Variants in TMEM135 observed in about 807,000 individuals in gnomAD.
TMEM135 encodes peroxisomal membrane protein 52.
Under a neutral mutation model 60.3 loss-of-function variants are expected in TMEM135, and 30 were observed. The ratio of observed to expected loss-of-function variants is 0.50; its 90% CI spans 0.37 to 0.68. TMEM135 has a LOEUF of 0.68. Among genes scored for constraint, TMEM135 ranks in the 30% least tolerant of loss-of-function variants. The pLI is 0.00. For missense variants in TMEM135, 468 were observed against 548.8 expected, an observed-to-expected ratio of 0.85 and a Z score of 1.47; for synonymous variants, 190 against 186.7, an observed-to-expected ratio of 1.02 and a Z score of -0.14.
intron 5 of TMEM135, among the ~76,000 whole-genome samples, chr11:87,183,206 A>C (rs540084705): frequency 1.0e-3 from 143 of 141,460 alleles, no homozygotes; most frequent in Admixed American, 3.0e-3. Flanking sequence ...GCAGTGGCTC[A>C]ATCTTGGCTC....
intron 4 of TMEM135, among the ~76,000 whole-genome samples, chr11:87,129,535 G>A (rs1937848576): frequency 8.3e-6 from 1 of 120,832 alleles, no homozygotes; most frequent in Non-Finnish European, 1.6e-5. Flanking sequence ...GATCCACCAT[G>A]CTTGGCCAAT....
chr11:87,146,419 A>G (rs1486058154), intron 4 of TMEM135, among the ~76,000 whole-genome samples: 1 of 152,158 alleles, frequency 6.6e-6, no homozygotes, highest in African/African-American at 2.4e-5. Context: ...GGAGTAGTGC[A>G]TCACCATGCC....
intron 5 of TMEM135, among the ~76,000 whole-genome samples, chr11:87,176,329 A>G (rs1939367198): frequency 6.6e-6 from 1 of 152,104 alleles, no homozygotes; most frequent in East Asian, 1.9e-4. Context: ...GCCTTCTGTC[A>G]TGAAGAGAAG....
intron 5 of TMEM135, among the ~76,000 whole-genome samples, chr11:87,236,116 A>G (rs1940989331): frequency 6.6e-6 from 1 of 151,938 alleles, no homozygotes; most frequent in Admixed American, 6.6e-5. Context: ...TTTCTAACAG[A>G]CAGTTAAAAA....
chr11:87,091,758 A>G (rs1857211127), intron 4 of TMEM135, among the ~76,000 whole-genome samples: 1 of 152,072 alleles, frequency 6.6e-6, no homozygotes, highest in Admixed American at 6.6e-5. Context: ...GGGAAAAATG[A>G]TATAAGGATG....
chr11:87,139,583 G>A (rs1938207412), intron 4 of TMEM135, among the ~76,000 whole-genome samples: 2 of 152,072 alleles, frequency 1.3e-5, no homozygotes, highest in South Asian at 4.1e-4. Context: ...GAATTGCTGG[G>A]CCTCATGGTA....
intron 6 of TMEM135, among the ~76,000 whole-genome samples, chr11:87,238,091 A>G (rs1283112095): frequency 2.0e-5 from 3 of 151,840 alleles, no homozygotes; most frequent in South Asian, 4.1e-4. Context: ...CCTGCTTCCA[A>G]ATTTTGCTAT....
intron 1 of TMEM135, among the ~76,000 whole-genome samples, chr11:87,057,925 A>G (rs970395139): frequency 2.0e-5 from 3 of 152,262 alleles, no homozygotes; most frequent in Non-Finnish European, 4.4e-5. Flanking sequence ...GTGTAATTCC[A>G]GTGTGAGTCC....
At chr11:87,201,467 T>C (rs139943186) in intron 5 of TMEM135, among the ~76,000 whole-genome samples, 13 of 152,306 alleles carry the variant, frequency 8.5e-5, no homozygotes, top group African/African-American at 3.1e-4. Flanking sequence ...TCACTAACTT[T>C]AAGTTTTCAT....
At chr11:87,179,253 A>G (rs574013568) in intron 5 of TMEM135, among the ~76,000 whole-genome samples, 1 of 152,252 alleles carries the variant, frequency 6.6e-6, no homozygotes, top group South Asian at 2.1e-4. Context: ...GTGACTTTGA[A>G]AAGTTTTTCA....
intron 5 of TMEM135, among the ~76,000 whole-genome samples, chr11:87,229,885 T>C (rs904031680): frequency 1.3e-5 from 2 of 152,172 alleles, no homozygotes; most frequent in African/African-American, 2.4e-5. Context: ...AATTTTTGTT[T>C]TTATCATGTA....
Position 87,323,889 on chromosome 11 carries a change from T to C in TMEM135, c.*2556T>C. On this transcript the variant is annotated 3_prime_UTR_variant, in exon 15 of 15. Coordinates refer to ENST00000305494, the MANE Select transcript of TMEM135 (RefSeq NM_022918.4). ...TTCCCATAAATTCTGCTTTTGCTTCTGTAACTTTTTTCTTGAACTATAAGC... is the reference window on the plus strand; with the variant it reads ...TTCCCATAAATTCTGCTTTTGCTTCCGTAACTTTTTTCTTGAACTATAAGC... 2.2e-6 allele frequency: 1 copy of C among 452,166 alleles called. No homozygotes were observed. Among genetic ancestry groups the C allele is most frequent in the Non-Finnish European group, 4.4e-6 (1 of 226,400 alleles). The allele number at this position is 452,166 out of a possible 1,614,324, so 28.0% of individuals were successfully genotyped here.
intron 5 of TMEM135, among the ~76,000 whole-genome samples, chr11:87,211,824 GT>G (rs1940376962): frequency 3.9e-5 from 6 of 151,984 alleles, no homozygotes; most frequent in African/African-American, 1.2e-4. Context: ...GGCGCCTGTA[GT>G]CCCAGCTACT....
chr11:87,102,004 G>A (rs931044855), intron 4 of TMEM135, among the ~76,000 whole-genome samples: 2 of 152,074 alleles, frequency 1.3e-5, no homozygotes, highest in African/African-American at 2.4e-5. Flanking sequence ...GAAGAAAAAA[G>A]TACTTTCTCT....
chr11:87,156,526 A>G (rs1321158157), intron 4 of TMEM135, among the ~76,000 whole-genome samples: 2 of 152,018 alleles, frequency 1.3e-5, no homozygotes, highest in African/African-American at 2.4e-5. Flanking sequence ...GTCTTCTTCA[A>G]TTTCTTTCAG....
At position 87,047,507 on chromosome 11, in the gene TMEM135, G is replaced by T. The variant is rs1349723089; in HGVS notation, c.141+9321G>T. On this transcript the variant is annotated intron_variant, in intron 1 of 14. Coordinates refer to ENST00000305494, the MANE Select transcript of TMEM135 (RefSeq NM_022918.4). ...GGCGAGGCACTGCCTCACCTGGGAA[G>T]CGCAAGGGGTCAGGGAGTTCCCTTT... Among the ~76,000 whole-genome samples, 3 of 150,866 alleles carry T rather than the reference G, an allele frequency of 2.0e-5. No homozygotes were observed. In the South Asian group the frequency reaches 6.3e-4, roughly 32 times the overall value.
chr11:87,133,523 C>T (rs1268267249), intron 4 of TMEM135, among the ~76,000 whole-genome samples: 1 of 152,168 alleles, frequency 6.6e-6, no homozygotes, highest in African/African-American at 2.4e-5. Context: ...CTTGATCCCT[C>T]TTTACAAAAC....
chr11:87,298,257 G>A (rs1055846560), intron 7 of TMEM135, among the ~76,000 whole-genome samples: 1 of 152,186 alleles, frequency 6.6e-6, no homozygotes, highest in African/African-American at 2.4e-5. Flanking sequence ...TTAAACTTTG[G>A]TGAGGAAAGG....
chr11:87,101,638 T>C (rs1857458206), intron 4 of TMEM135, among the ~76,000 whole-genome samples: 1 of 152,194 alleles, frequency 6.6e-6, no homozygotes, highest in African/African-American at 2.4e-5. Context: ...GCAGTGTCTT[T>C]TATTAAAACA....
Sources: allele counts gnomAD v4.1 joint callset (sites outside exome capture counted in the v4.1 genomes callset), GRCh38; gene constraint gnomAD v4.1.1; transcripts MANE v1.5; gene names NCBI Gene and HGNC (gene_info 2026-07-23, HGNC 2026-07-21).